The following CHRNA2 variants were observed in gnomAD, a reference collection of about 807,000 sequenced individuals.
The protein encoded by CHRNA2 is cholinergic receptor nicotinic alpha 2 subunit, also known as neuronal acetylcholine receptor subunit alpha-2.
CHRNA2 carries 40 observed loss-of-function variants against 45.5 expected under a neutral mutation model. The observed-to-expected ratio is 0.88, with a 90% CI of 0.68 to 1.15. The LOEUF (loss-of-function observed/expected upper bound fraction) is 1.15. Among genes scored for constraint, CHRNA2 ranks in the 50% most tolerant of loss-of-function variants. The probability of loss-of-function intolerance (pLI) is 0.00; values close to 1 mark genes in which losing one functional copy is unlikely to be tolerated. For missense variants in CHRNA2, 655 were observed against 701.7 expected (o/e 0.93, Z 0.75); for synonymous variants, 301 against 296.7 (o/e 1.01, Z -0.15).
chr8:27,469,966 T>G lies in CHRNA2; in HGVS notation c.89A>C (p.Lys30Thr). Residue 30 changes from lysine (K) to threonine (T), a missense_variant, in exon 3 of 7, where the codon AAG becomes ACG. Physicochemically the swap from Lys to Thr is moderately conservative, Grantham distance 78. This residue lies in a region of CHRNA2 where 323 missense variants were observed against 354.4 expected (regional missense o/e 0.91). Coordinates refer to ENST00000407991, the MANE Select transcript of CHRNA2 (RefSeq NM_000742.4). ...LLTPAGGEEAKRPPPRAPGDP... is the reference protein window; with the variant it reads ...LLTPAGGEEATRPPPRAPGDP... ...TCCAGGAGCCCTGGGAGGTGGGCGC[T>G]TAGCTTCCTCTCCACCTGCCATCAA... 1 of 1,613,398 alleles carries G rather than the reference T, an allele frequency of 6.2e-7. No individual in the cohort carries two copies. The highest frequency in any genetic ancestry group is 8.5e-7 in the Non-Finnish European group (1 of 1,179,860).
At chr8:27,462,950 G>A (rs771315542) in intron 6 of CHRNA2, 29 bp downstream of exon 6, 1 of 1,613,770 alleles carries the variant, frequency 6.2e-7, no homozygotes, top group South Asian at 1.1e-5. Flanking sequence ...GGGCCACCCA[G>A]GCTGGCGCCT....
In CHRNA2 at chr8:27,465,850, G is replaced by T. The variant is rs552681551; in HGVS notation, c.449+1379C>A. Among the ~76,000 whole-genome samples, 7 of 152,314 alleles carry T rather than the reference G, an allele frequency of 4.6e-5. No individual in the cohort carries two copies. In the South Asian group the frequency reaches 1.5e-3, roughly 32 times the overall value. ...AGATGCCTTCCTCTTAACCTTGAGT[G>T]GGGTATCTGGGTGGAGGGGATCCAT... On this transcript the variant is annotated intron_variant, in intron 5 of 6. Coordinates refer to ENST00000407991, the MANE Select transcript of CHRNA2 (RefSeq NM_000742.4).
rs1206952862 is a variant in CHRNA2 at position 27,472,325 on chromosome 8, G to C, written c.-136-1131C>G. 2.0e-5 allele frequency among the ~76,000 whole-genome samples: 3 copies of C among 152,280 alleles called. No individual in the cohort carries two copies. In the East Asian group the frequency reaches 5.8e-4, roughly 29 times the overall value. ...GTAAAACAACCTAGGACTTGTGATC[G>C]GCATTGACATTGGGGGGCAGTGTTG... On this transcript the variant is annotated intron_variant, in intron 1 of 6. Transcript: ENST00000407991.
chr8:27,469,258 C>G (rs968216005), intron 4 of CHRNA2, 77 bp downstream of exon 4: 1 of 1,389,274 alleles, frequency 7.2e-7, no homozygotes, highest in East Asian at 2.5e-5. Context: ...CTTTCACTAG[C>G]GAAGAAGTCC....
chr8:27,462,492 C>T (rs1812526572), intron 6 of CHRNA2, among the ~76,000 whole-genome samples: 1 of 152,184 alleles, frequency 6.6e-6, no homozygotes, highest in African/African-American at 2.4e-5. Flanking sequence ...CAAGAATCTG[C>T]AGGGTTTATG....
chr8:27,478,301 C>T (rs971947986), intron 1 of CHRNA2, among the ~76,000 whole-genome samples: 4 of 152,326 alleles, frequency 2.6e-5, no homozygotes, highest in African/African-American at 9.6e-5. Flanking sequence ...TTTGCTCAAT[C>T]ACAGAAGTTT....
chr8:27,467,519 A>C, intron 4 of CHRNA2, 181 bp from the exon 5 acceptor site: 1 of 590,946 alleles, frequency 1.7e-6, no homozygotes, highest in South Asian at 2.0e-5. Flanking sequence ...TGAGCAAGTA[A>C]CCAACCTTCT....
chr8:27,476,190 C>T (rs1586407479), intron 1 of CHRNA2, among the ~76,000 whole-genome samples: 1 of 152,322 alleles, frequency 6.6e-6, no homozygotes, highest in South Asian at 2.1e-4. Flanking sequence ...TCAGGGCCAA[C>T]AGTGTGCCAG....
chr8:27,476,229 T>G (rs1423867452), intron 1 of CHRNA2, among the ~76,000 whole-genome samples: 1 of 152,104 alleles, frequency 6.6e-6, no homozygotes, highest in African/African-American at 2.4e-5. Context: ...TGAGTGAGCT[T>G]GAGTAGAGAA....
chr8:27,466,019 C>G (rs2322582), intron 5 of CHRNA2, among the ~76,000 whole-genome samples: 12,118 of 152,188 alleles, frequency 0.08, 1,140 homozygotes, highest in African/African-American at 0.23. Flanking sequence ...CTCCTGACCT[C>G]TGCCACATGT....
chr8:27,461,048 C>T lies in CHRNA2; in HGVS notation c.*581G>A, dbSNP rs1032721372. ...TTCCAGAAGAGCCCTTATTACTCCC[C>T]TGCTGGACCATACAGCTCAGCACCC... is the stretch of plus-strand genomic sequence containing the variant. On this transcript the variant is annotated 3_prime_UTR_variant, in exon 7 of 7. Coordinates refer to ENST00000407991, the MANE Select transcript of CHRNA2 (RefSeq NM_000742.4). 2 of 158,710 alleles carry T rather than the reference C, an allele frequency of 1.3e-5. No homozygotes were observed. The highest frequency in any genetic ancestry group is 1.2e-4 in the Admixed American group (2 of 16,620). 9.8% of individuals were successfully genotyped at this position (158,710 alleles called of 1,614,324 possible).
chr8:27,463,649 G>T lies in CHRNA2; in HGVS notation c.794C>A (p.Pro265Gln). Residue 265 changes from proline to glutamine, a missense_variant, in exon 6 of 7, where the codon CCG becomes CAG. Transcript: ENST00000407991. The surrounding 1 kb of genome is among the most constrained non-coding windows in gnomAD (Gnocchi z 6.1). Reference protein sequence around the residue: ...VTYAFVIRRLPLFYTINLIIP... With the variant: ...VTYAFVIRRLQLFYTINLIIP... ...GATGAGGTTGATGGTGTAGAAGAGCGGCAGCCGCCGGATGACGAAGGCGTA... is the reference window on the plus strand; with the variant it reads ...GATGAGGTTGATGGTGTAGAAGAGCTGCAGCCGCCGGATGACGAAGGCGTA... 6.2e-7 allele frequency: 1 copy of T among 1,614,168 alleles called. No homozygotes were observed. Among genetic ancestry groups the T allele is most frequent in the Non-Finnish European group, 8.5e-7 (1 of 1,180,028 alleles).
intron 5 of CHRNA2, 141 bp from the exon 6 acceptor site, chr8:27,464,134 A>T (rs1375240569): frequency 4.5e-6 from 4 of 895,618 alleles, no homozygotes; most frequent in Non-Finnish European, 7.1e-6. Context: ...GCAAGTGTGT[A>T]AGTCTCCCCC....
chr8:27,461,785 G>C (rs533118782), intron 6 of CHRNA2, 31 bp from the exon 7 acceptor site: 2 of 1,613,830 alleles, frequency 1.2e-6, no homozygotes, highest in African/African-American at 2.7e-5. Context: ...AGTGACAGGG[G>C]CCAGGCCTGG....
chr8:27,464,098 C>A, intron 5 of CHRNA2, 105 bp from the exon 6 acceptor site: 2 of 1,317,472 alleles, frequency 1.5e-6, no homozygotes, highest in Non-Finnish European at 2.1e-6. Flanking sequence ...AAGTCAGACC[C>A]GGCCACACTG....
intron 6 of CHRNA2, among the ~76,000 whole-genome samples, chr8:27,462,757 C>G (rs1003638891): frequency 2.6e-5 from 4 of 152,328 alleles, no homozygotes; most frequent in African/African-American, 9.6e-5. Context: ...CTGCTCATGC[C>G]TGACTCCGTG....
In CHRNA2 at chr8:27,461,083, G is replaced by T; in HGVS notation, c.*546C>A. The stretch of plus-strand genomic sequence containing the variant: ...ATACAGCTCAGCACCCTGCAAACTC[G>T]GACAGACTCCAAACTTCAACCCCAG... On this transcript the variant is annotated 3_prime_UTR_variant, in exon 7 of 7. Transcript: ENST00000407991. 1 of 173,290 alleles carries T rather than the reference G, an allele frequency of 5.8e-6. No homozygotes were observed. Among genetic ancestry groups the T allele is most frequent in the Non-Finnish European group, 1.3e-5 (1 of 79,654 alleles). 10.7% of individuals were successfully genotyped at this position (173,290 alleles called of 1,614,324 possible).
chr8:27,477,523 A>G (rs1318139859), intron 1 of CHRNA2, among the ~76,000 whole-genome samples: 3 of 152,186 alleles, frequency 2.0e-5, no homozygotes, highest in Non-Finnish European at 4.4e-5. Flanking sequence ...ATGTGCAAAT[A>G]AGATGCAGTG....
At position 27,471,187 on chromosome 8, in the gene CHRNA2, C is replaced by T; in HGVS notation, c.-129G>A. 1.2e-6 allele frequency: 1 copy of T among 853,394 alleles called. No individual in the cohort carries two copies. Among genetic ancestry groups the T allele is most frequent in the Non-Finnish European group, 1.9e-6 (1 of 514,586 alleles). 52.9% of individuals were successfully genotyped at this position (853,394 alleles called of 1,614,324 possible). ...TGGATTCTGCGAGGCTTCCTCTCAC[C>T]ACCGAACCTGAGCAAGCCCAAGAAA... is the stretch of plus-strand genomic sequence containing the variant. On this transcript the variant is annotated 5_prime_UTR_variant, in exon 2 of 7. Transcript: ENST00000407991.
Sources: gnomAD v4.1 joint callset for allele counts (sites outside exome capture counted in the v4.1 genomes callset) on GRCh38, gnomAD v4.1.1 for gene constraint, gnomAD v4.1.1 regional missense constraint, Gnocchi (gnomAD v3.1) non-coding constraint, MANE v1.5 for transcripts, NCBI Gene and HGNC (gene_info 2026-07-23, HGNC 2026-07-21) for gene names.